The following ADAMTS14 variants were observed in gnomAD, a reference collection of about 807,000 sequenced individuals.
ADAMTS14 encodes the protein A disintegrin and metalloproteinase with thrombospondin motifs 14.
In ADAMTS14, 100 loss-of-function variants were observed where a neutral mutation model predicts 128.6. The observed-to-expected ratio is 0.78, with a 90% CI of 0.66 to 0.92. ADAMTS14 has a LOEUF of 0.92. Ranked by LOEUF, ADAMTS14 falls within the 40% of genes least tolerant of loss-of-function variation. The pLI, the probability that ADAMTS14 is intolerant of heterozygous loss-of-function variation, is 0.00. For missense variants in ADAMTS14, 1,562 were observed against 1,658.6 expected (o/e 0.94, Z 1.01); for synonymous variants, 665 against 653.8 (o/e 1.02, Z -0.26).
chr10:70,680,191 G>C (rs12253621), intron 2 of ADAMTS14, among the ~76,000 whole-genome samples: 37,396 of 151,934 alleles, frequency 0.25, 4,893 homozygotes, highest in Middle Eastern at 0.34. Context: ...CACCTGAGGT[G>C]GGGAGTTTGA....
Position 70,756,480 on chromosome 10 carries a change from G to A in ADAMTS14, c.2938-1482G>A, listed in dbSNP as rs1842481943. 2.0e-5 allele frequency among the ~76,000 whole-genome samples: 3 copies of A among 152,186 alleles called. No individual in the cohort carries two copies. In the South Asian group the frequency reaches 6.2e-4, roughly 31 times the overall value. On this transcript the variant is annotated intron_variant, in intron 19 of 21. Coordinates refer to ENST00000373207, the MANE Select transcript of ADAMTS14 (RefSeq NM_080722.4). ...GCCCTGTCGCAATAAGCAAAATATA[G>A]AGATGAATCTCTAAATTTAACTTTT...
At chr10:70,706,077 C>T (rs1001199898) in intron 3 of ADAMTS14, among the ~76,000 whole-genome samples, 4 of 152,074 alleles carry the variant, frequency 2.6e-5, no homozygotes, top group Non-Finnish European at 5.9e-5. Flanking sequence ...GGCTGGTGGG[C>T]CCTGCTCTGC....
intron 18 of ADAMTS14, 60 bp from the exon 19 acceptor site, chr10:70,753,740 T>G (rs913647472): frequency 1.4e-6 from 2 of 1,458,502 alleles, no homozygotes; most frequent in Non-Finnish European, 1.8e-6. Flanking sequence ...GGATAGAAAG[T>G]GTCCTCTGGG....
In ADAMTS14 at chr10:70,672,773, C is replaced by G; in HGVS notation, c.-30C>G. The G allele has an allele frequency of 6.7e-7, 1 of 1,491,938 alleles. No homozygotes were observed. The highest frequency in any genetic ancestry group is 8.9e-7 in the Non-Finnish European group (1 of 1,125,584). The allele number at this position is 1,491,938 out of a possible 1,614,324, so 92.4% of individuals were successfully genotyped here. A position where few individuals can be genotyped will look rare whatever the true frequency, so the allele number is the denominator to read the frequency against. On this transcript the variant is annotated 5_prime_UTR_variant, in exon 1 of 22. Coordinates refer to ENST00000373207, the MANE Select transcript of ADAMTS14 (RefSeq NM_080722.4). ...CAGCCTGGGACTTGGGGATCGGGCG[C>G]TTGCCCAGCCCGCGTCCCAGCGCGG...
chr10:70,738,420 G>T (rs1841892064), intron 10 of ADAMTS14, among the ~76,000 whole-genome samples: 1 of 152,196 alleles, frequency 6.6e-6, no homozygotes, highest in East Asian at 1.9e-4. Flanking sequence ...TGGCTGGTCT[G>T]CCTCCCAGAA....
At chr10:70,743,516 C>G (rs758779417) in intron 12 of ADAMTS14, 32 bp from the exon 13 acceptor site, 1 of 1,601,870 alleles carries the variant, frequency 6.2e-7, no homozygotes, top group East Asian at 2.2e-5. Flanking sequence ...CTGAGCCCAG[C>G]TGGGGACTCA....
intron 2 of ADAMTS14, among the ~76,000 whole-genome samples, chr10:70,682,629 C>T (rs1336289902): frequency 6.6e-6 from 1 of 152,218 alleles, no homozygotes; most frequent in Non-Finnish European, 1.5e-5. Context: ...CCAGTACACT[C>T]AGCTGTTGCT....
intron 21 of ADAMTS14, among the ~76,000 whole-genome samples, chr10:70,758,727 T>C (rs1324377566): frequency 6.6e-6 from 1 of 152,206 alleles, no homozygotes; most frequent in African/African-American, 2.4e-5. Context: ...ATGAGCTGCC[T>C]TCATAGGGCT....
intron 2 of ADAMTS14, among the ~76,000 whole-genome samples, chr10:70,685,515 G>T (rs530837247): frequency 1.3e-5 from 2 of 152,250 alleles, no homozygotes; most frequent in South Asian, 4.2e-4. Context: ...GCTGGAAAAG[G>T]CTTTGGGGCC....
At chr10:70,756,908 A>G (rs905217810) in intron 19 of ADAMTS14, among the ~76,000 whole-genome samples, 5 of 152,070 alleles carry the variant, frequency 3.3e-5, no homozygotes, top group African/African-American at 9.7e-5. Flanking sequence ...ATCAACTTTC[A>G]CAGCCCCTTA....
chr10:70,743,478 C>T, intron 12 of ADAMTS14, 70 bp from the exon 13 acceptor site: 4 of 1,524,802 alleles, frequency 2.6e-6, no homozygotes, highest in Non-Finnish European at 3.5e-6. Context: ...GGCTGGACCA[C>T]ATACTGATCT....
chr10:70,738,873 C>T lies in ADAMTS14; in HGVS notation c.1631C>T (p.Ser544Leu), dbSNP rs772978804. 15 of 1,613,974 alleles carry T rather than the reference C, an allele frequency of 9.3e-6. No homozygotes were observed. Among genetic ancestry groups the T allele is most frequent in the East Asian group, 2.2e-5 (1 of 44,896 alleles). ...TTCAAAGGTCACTGCATCTGGAAGT[C>T]GCCGGAGCAGACATATGGCCAGGAT... ...WCFKGHCIWKSPEQTYGQDGG... is the reference protein window; with the variant it reads ...WCFKGHCIWKLPEQTYGQDGG... Residue 544 changes from serine to leucine, a missense_variant, in exon 11 of 22, where the codon TCG becomes TTG. Coordinates refer to ENST00000373207, the MANE Select transcript of ADAMTS14 (RefSeq NM_080722.4).
intron 2 of ADAMTS14, among the ~76,000 whole-genome samples, chr10:70,679,903 C>T (rs563245544): frequency 8.0e-4 from 122 of 152,250 alleles, no homozygotes; most frequent in Middle Eastern, 3.4e-3. Context: ...GAAGCTCCTT[C>T]GGCACCTCCC....
At chr10:70,735,419 G>A in intron 9 of ADAMTS14, 118 bp downstream of exon 9, 2 of 1,405,114 alleles carry the variant, frequency 1.4e-6, no homozygotes, top group Admixed American at 4.4e-5. Context: ...CCTGGTGATG[G>A]GCCCACAGAC....
chr10:70,682,795 C>G (rs1350425368), intron 2 of ADAMTS14, among the ~76,000 whole-genome samples: 1 of 152,050 alleles, frequency 6.6e-6, no homozygotes, highest in Non-Finnish European at 1.5e-5. Context: ...GGCCTTGGAC[C>G]CCCTCAGGCC....
chr10:70,684,302 A>G (rs938336579), intron 2 of ADAMTS14, among the ~76,000 whole-genome samples: 1 of 152,200 alleles, frequency 6.6e-6, no homozygotes, highest in African/African-American at 2.4e-5. Context: ...ATTAGGGATT[A>G]CAATTTGAAA....
chr10:70,739,796 A>T (rs1431512173), intron 11 of ADAMTS14, among the ~76,000 whole-genome samples: 1 of 152,170 alleles, frequency 6.6e-6, no homozygotes, highest in African/African-American at 2.4e-5. Flanking sequence ...TCATACTGTT[A>T]TTTATCGCTA....
rs1402504945 is a variant in ADAMTS14 at position 70,743,787 on chromosome 10, G to C, written c.2058+106G>C. On this transcript the variant is annotated intron_variant, in intron 13 of 21. Coordinates refer to ENST00000373207, the MANE Select transcript of ADAMTS14 (RefSeq NM_080722.4). ...TGAGCATTGCCTCACCGGCCCACTCGCAACACCCTGTTGGTCCTCAGCATA... is the reference window on the plus strand; with the variant it reads ...TGAGCATTGCCTCACCGGCCCACTCCCAACACCCTGTTGGTCCTCAGCATA... 2.9e-5 allele frequency: 41 copies of C among 1,406,820 alleles called. No individual in the cohort carries two copies. The South Asian group carries it at 4.1e-4, about 14-fold the overall frequency. The allele number at this position is 1,406,820 out of a possible 1,614,324, so 87.1% of individuals were successfully genotyped here. A position where few individuals can be genotyped will look rare whatever the true frequency, so the allele number is the denominator to read the frequency against.
rs748038279 is a variant in ADAMTS14 at position 70,751,556 on chromosome 10, A to G, written c.2506A>G (p.Ile836Val). 2 of 1,613,674 alleles carry G rather than the reference A, an allele frequency of 1.2e-6. No homozygotes were observed. Among genetic ancestry groups the G allele is most frequent in the South Asian group, 2.2e-5 (2 of 91,052 alleles). ...CATCCATGAGGACCTGCTGCCCCTT[A>G]TCGGGAGCAACAATGTGCTCCTGGA... Reference protein sequence around the residue: ...YVIHEDLLPLIGSNNVLLEEM... With the variant: ...YVIHEDLLPLVGSNNVLLEEM... Residue 836 changes from isoleucine (I) to valine (V), a missense_variant, in exon 17 of 22, where the codon ATC (isoleucine) becomes GTC (valine). Ile to Val is a conservative substitution (Grantham distance 29, BLOSUM62 3). Transcript: ENST00000373207.
Sources: gnomAD v4.1 joint callset for allele counts (sites outside exome capture counted in the v4.1 genomes callset) on GRCh38, gnomAD v4.1.1 for gene constraint, MANE v1.5 for transcripts, NCBI Gene and HGNC (gene_info 2026-07-23, HGNC 2026-07-21) for gene names.